The following EVC variants were observed in gnomAD, a reference collection of about 807,000 sequenced individuals.
The protein encoded by EVC is EvC ciliary complex subunit 1, also known as evC complex member EVC.
A neutral mutation model predicts 118.9 loss-of-function variants in EVC; 116 were observed. That is an observed-to-expected ratio of 0.98 (90% CI 0.84 to 1.14). The LOEUF (loss-of-function observed/expected upper bound fraction) is 1.14, where lower values mean the gene tolerates loss of function less well. EVC is among the 50% of genes most tolerant of loss of function. The pLI is 0.00. For missense variants in EVC, 1,401 were observed against 1,246.4 expected (o/e 1.12, Z -1.87); for synonymous variants, 619 against 534.7 (o/e 1.16, Z -2.18).
intron 12 of EVC, among the ~76,000 whole-genome samples, chr4:5,790,739 T>C (rs1712616011): frequency 6.6e-6 from 1 of 152,148 alleles, no homozygotes; most frequent in Non-Finnish European, 1.5e-5. Context: ...TTAATAGCCC[T>C]AAAAACAAGA....
chr4:5,727,738 T>C (rs905812474), intron 2 of EVC, among the ~76,000 whole-genome samples: 8 of 151,868 alleles, frequency 5.3e-5, no homozygotes, highest in African/African-American at 1.7e-4. Context: ...CCTTTTTGAA[T>C]TGATTTTTGT....
At chr4:5,769,814 A>G (rs1013203214) in intron 11 of EVC, among the ~76,000 whole-genome samples, 2 of 152,136 alleles carry the variant, frequency 1.3e-5, no homozygotes, top group Non-Finnish European at 2.9e-5. Flanking sequence ...AAGAGAAAAC[A>G]CTGGACTCTG....
chr4:5,823,860 C>G, the EVC span, among the ~76,000 whole-genome samples: 1 of 152,216 alleles, frequency 6.6e-6, no homozygotes, highest in African/African-American at 2.4e-5. Flanking sequence ...AAAACAGACA[C>G]TAACTCATGG....
At chr4:5,727,302 G>C (rs1240722419) in intron 2 of EVC, among the ~76,000 whole-genome samples, 8 of 152,090 alleles carry the variant, frequency 5.3e-5, no homozygotes, top group Non-Finnish European at 1.0e-4. Context: ...TGGTTTTGAT[G>C]TGCATTTCTC....
chr4:5,804,897 A>G (rs1296821017), intron 17 of EVC, 56 bp downstream of exon 17: 8 of 1,459,466 alleles, frequency 5.5e-6, no homozygotes, highest in Non-Finnish European at 6.7e-6. Flanking sequence ...TTCACATGGC[A>G]TATCTCTCTG....
intron 16 of EVC, 95 bp downstream of exon 16, chr4:5,802,189 T>C: frequency 3.4e-6 from 5 of 1,488,076 alleles, no homozygotes; most frequent in South Asian, 1.2e-5. Flanking sequence ...GTGAATTTTA[T>C]TTTTGGGAAT....
At chr4:5,777,892 G>A (rs1734948621) in intron 11 of EVC, among the ~76,000 whole-genome samples, 1 of 152,016 alleles carries the variant, frequency 6.6e-6, no homozygotes, top group Non-Finnish European at 1.5e-5. Context: ...CAATGTGCAG[G>A]TTAGTTACGT....
chr4:5,715,633 A>G (rs187952346), intron 1 of EVC, among the ~76,000 whole-genome samples: 4 of 152,260 alleles, frequency 2.6e-5, no homozygotes, highest in Admixed American at 2.0e-4. Flanking sequence ...TCTTTTGAGA[A>G]CTTCTATGTC....
Position 5,752,895 on chromosome 4 carries a change from G to A in EVC, c.1158G>A (p.Lys386=). The A allele has an allele frequency of 6.2e-7, 1 of 1,614,228 alleles. No homozygotes were observed. Among genetic ancestry groups the A allele is most frequent in the Non-Finnish European group, 8.5e-7 (1 of 1,180,032 alleles). ...AHMAKVIEFL[K]LQVQEETRCR... ...TGGCAAAAGTGATTGAGTTTCTGAA[G>A]CTGCAAGTCCAGGAGGAGACCAGGT... The change falls in exon 9 of 21, where the codon AAG becomes AAA. Residue 386 remains lysine, a synonymous_variant. Coordinates refer to ENST00000264956, the MANE Select transcript of EVC (RefSeq NM_153717.3).
intron 18 of EVC, 30 bp downstream of exon 18, chr4:5,808,357 A>C: frequency 6.2e-7 from 1 of 1,614,064 alleles, no homozygotes; most frequent in Non-Finnish European, 8.5e-7. Context: ...ACCTTCCAAA[A>C]GCAGTGGTTT....
the EVC span, chr4:5,828,640 A>G: frequency 6.2e-7 from 1 of 1,614,142 alleles, no homozygotes; most frequent in South Asian, 1.1e-5. Context: ...GTGGCACTCC[A>G]TACCCTCGAA....
chr4:5,752,354 T>C (rs931283739), intron 8 of EVC, among the ~76,000 whole-genome samples: 1 of 152,084 alleles, frequency 6.6e-6, no homozygotes, highest in Non-Finnish European at 1.5e-5. Context: ...GGGAGTCGTG[T>C]TGGAAGCCAA....
rs1403739426 is a variant in EVC at position 5,811,027 on chromosome 4, G to A, written c.2969G>A (p.Ser990Asn). 2 of 1,611,366 alleles carry A rather than the reference G, an allele frequency of 1.2e-6. No individual in the cohort carries two copies. The highest frequency in any genetic ancestry group is 1.3e-5 in the African/African-American group (1 of 74,796). Residue 990 changes from serine (S) to asparagine (N), a missense_variant, in exon 21 of 21, where the codon AGC (serine) becomes AAC (asparagine). Ser to Asn is a conservative substitution (Grantham distance 46). Coordinates refer to ENST00000264956, the MANE Select transcript of EVC (RefSeq NM_153717.3). ...TCAAAGAAGATGCTAAAGAGAAGAA[G>A]CAACTTGTAGTTTAAGACCAGTCGG... ...GNSKKMLKRR[S>N]NL
rs565915272 is a variant in EVC, at chr4:5,738,538, C to T, written c.703-3178C>T. 2.0e-3 allele frequency among the ~76,000 whole-genome samples: 303 copies of T among 152,110 alleles called. 1 individual carries two copies. The highest frequency in any genetic ancestry group is 6.8e-3 in the African/African-American group (282 of 41,482). Reference sequence around the variant, plus strand: ...CCACAGCCACCCTAACCTTCAGCAACCACTACCCTCATAAGTCAGTAGCCA... The same window carrying T: ...CCACAGCCACCCTAACCTTCAGCAATCACTACCCTCATAAGTCAGTAGCCA... On this transcript the variant is annotated intron_variant, in intron 5 of 20. Coordinates refer to ENST00000264956, the MANE Select transcript of EVC (RefSeq NM_153717.3). The surrounding 1 kb of genome is among the most constrained non-coding windows in gnomAD (Gnocchi z 6.5).
At position 5,731,936 on chromosome 4, in the gene EVC, T is replaced by A. The variant is rs2151937994; in HGVS notation, c.617+279T>A. Among the ~76,000 whole-genome samples the A allele has an allele frequency of 6.9e-6, 1 of 145,802 alleles. No homozygotes were observed. The highest frequency in any genetic ancestry group is 6.7e-5 in the Admixed American group (1 of 14,820). ...GGCGTGCTCCCAGCTACTGGCGAAG[T>A]TGATTAAGTGGGTACTTCTGAGTAC... On this transcript the variant is annotated intron_variant, in intron 4 of 20. Transcript: ENST00000264956. The surrounding 1 kb of genome is among the most constrained non-coding windows in gnomAD (Gnocchi z 5.6).
chr4:5,724,378 T>G (rs776421669), intron 2 of EVC, among the ~76,000 whole-genome samples: 1 of 152,232 alleles, frequency 6.6e-6, no homozygotes, highest in Non-Finnish European at 1.5e-5. Flanking sequence ...GTATCTGATA[T>G]AGGTTTCTGA....
Position 5,745,350 on chromosome 4 carries a change from C to T in EVC, c.939+9C>T, listed in dbSNP as rs201282320. ...AACAGCTAATCGATAATGTGCGTGC[C>T]AGACTTTCTTTCCTGTACACAAATT... On this transcript the variant is annotated intron_variant, in intron 7 of 20. Transcript: ENST00000264956. 9.0e-4 allele frequency: 1,451 copies of T among 1,612,264 alleles called. 12 individuals carry two copies. The South Asian group carries it at 0.01, about 11-fold the overall frequency.
At chr4:5,790,179 T>TAAAAAAAAA (rs1712495684) in intron 12 of EVC, among the ~76,000 whole-genome samples, 2 of 25,460 alleles carry the variant, frequency 7.9e-5, no homozygotes, top group Admixed American at 3.5e-4. Flanking sequence ...AGACTCCATC[T>TAAAAAAAAA]CAAAAAAAAA....
intron 17 of EVC, among the ~76,000 whole-genome samples, chr4:5,807,383 G>T (rs1716090281): frequency 6.6e-6 from 1 of 152,160 alleles, no homozygotes; most frequent in African/African-American, 2.4e-5. Flanking sequence ...TAGGAGCAGG[G>T]TGGCATTTTC....
Sources: gnomAD v4.1 joint callset for allele counts (sites outside exome capture counted in the v4.1 genomes callset) on GRCh38, gnomAD v4.1.1 for gene constraint, Gnocchi (gnomAD v3.1) non-coding constraint, MANE v1.5 for transcripts, NCBI Gene and HGNC (gene_info 2026-07-23, HGNC 2026-07-21) for gene names.